DOCK3: variants seen among roughly 807,000 people sequenced by gnomAD.
The protein encoded by DOCK3 is dedicator of cytokinesis protein 3.
Under a neutral mutation model 265.6 loss-of-function variants are expected in DOCK3, and 60 were observed. That is an observed-to-expected ratio of 0.23 (90% CI 0.18 to 0.28). DOCK3 has a LOEUF of 0.28. Among genes scored for constraint, DOCK3 ranks in the 10% least tolerant of loss-of-function variants. The probability of loss-of-function intolerance (pLI) is 1.00; values close to 1 mark genes in which losing one functional copy is unlikely to be tolerated. For missense variants in DOCK3, 1,981 were observed against 2,594.3 expected (o/e 0.76, Z 5.14); for synonymous variants, 881 against 938.0 (o/e 0.94, Z 1.11).
chr3:51,240,852 C>T (rs1428008124), intron 21 of DOCK3, among the ~76,000 whole-genome samples: 2 of 152,146 alleles, frequency 1.3e-5, no homozygotes, highest in Non-Finnish European at 1.5e-5. Flanking sequence ...TCTTTGAAGA[C>T]AGCTTATGAA....
At chr3:51,067,427 TTG>T (rs60551624) in intron 6 of DOCK3, among the ~76,000 whole-genome samples, 111 of 144,192 alleles carry the variant, frequency 7.7e-4, no homozygotes, top group Non-Finnish European at 1.1e-3. Flanking sequence ...TGAAATATGT[TTG>T]TGTGTGTGTG....
intron 9 of DOCK3, among the ~76,000 whole-genome samples, chr3:51,117,176 C>T (rs1171607686): frequency 6.6e-6 from 1 of 152,010 alleles, no homozygotes; most frequent in African/African-American, 2.4e-5. Flanking sequence ...GTATGCAGGG[C>T]TGTTGAATTT....
chr3:50,937,293 AAAAATTT>A (rs1264638338), intron 5 of DOCK3, among the ~76,000 whole-genome samples: 1 of 151,292 alleles, frequency 6.6e-6, no homozygotes, highest in African/African-American at 2.4e-5. Context: ...AAAAAAAAAA[AAAAATTT>A]ATAAAGTGGA....
chr3:51,312,121 C>T (rs761852559), intron 29 of DOCK3, 42 bp downstream of exon 29: 28 of 1,527,984 alleles, frequency 1.8e-5, no homozygotes, highest in African/African-American at 2.7e-5. Context: ...TTGCAATAAC[C>T]TTAGAAAGCC....
chr3:51,011,995 A>G lies in DOCK3; in HGVS notation c.316-52453A>G, dbSNP rs990492904. Among the ~76,000 whole-genome samples the G allele has an allele frequency of 4.6e-5, 7 of 152,116 alleles. No homozygotes were observed. The East Asian group carries it at 1.4e-3, about 29-fold the overall frequency. On this transcript the variant is annotated intron_variant, in intron 5 of 52. Coordinates refer to ENST00000266037, the MANE Select transcript of DOCK3 (RefSeq NM_004947.5). ...ATTGTTCCTCTGTAAGCTTTGTCTC[A>G]GAGGGGTAGAAGGCCGTGTGAGCTG... is the stretch of plus-strand genomic sequence containing the variant.
intron 1 of DOCK3, among the ~76,000 whole-genome samples, chr3:50,763,116 C>A (rs182581293): frequency 2.0e-5 from 3 of 152,040 alleles, no homozygotes; most frequent in Non-Finnish European, 2.9e-5. Context: ...TTTCAACTTA[C>A]AGTGGGGTTA....
intron 4 of DOCK3, among the ~76,000 whole-genome samples, chr3:50,910,772 G>A (rs1035252072): frequency 2.0e-5 from 3 of 152,158 alleles, no homozygotes; most frequent in Non-Finnish European, 4.4e-5. Flanking sequence ...GCTGATGGTG[G>A]ATGGGGATTG....
rs376529482 is a variant in DOCK3 at position 50,954,106 on chromosome 3, C to T, written c.315+20029C>T. On this transcript the variant is annotated intron_variant, in intron 5 of 52. Transcript: ENST00000266037. ...AGTCTATTCCTATTAAACATTAACCCCACGTTTCTCCCTCCCATATATCCT... is the reference window on the plus strand; with the variant it reads ...AGTCTATTCCTATTAAACATTAACCTCACGTTTCTCCCTCCCATATATCCT... Among the ~76,000 whole-genome samples, 9 of 152,132 alleles carry T rather than the reference C, an allele frequency of 5.9e-5. No homozygotes were observed. In the East Asian group the frequency reaches 1.5e-3, roughly 26 times the overall value.
At chr3:51,190,190 C>T (rs900056955) in intron 12 of DOCK3, among the ~76,000 whole-genome samples, 2 of 152,150 alleles carry the variant, frequency 1.3e-5, no homozygotes, top group African/African-American at 4.8e-5. Flanking sequence ...TGATGTACTC[C>T]CCCTTTCCAT....
intron 1 of DOCK3, among the ~76,000 whole-genome samples, chr3:50,732,405 A>T (rs1489980742): frequency 1.3e-5 from 2 of 152,088 alleles, no homozygotes; most frequent in East Asian, 1.9e-4. Flanking sequence ...CATGTACCCC[A>T]GAACTTAAAA....
At chr3:50,862,130 T>C (rs976474036) in intron 3 of DOCK3, among the ~76,000 whole-genome samples, 1 of 152,218 alleles carries the variant, frequency 6.6e-6, no homozygotes, top group African/African-American at 2.4e-5. Flanking sequence ...GATTATTTCT[T>C]TTAGCAGTTG....
intron 2 of DOCK3, among the ~76,000 whole-genome samples, 196 bp downstream of exon 2, chr3:50,778,954 C>T (rs190962065): frequency 6.6e-6 from 1 of 152,188 alleles, no homozygotes; most frequent in East Asian, 1.9e-4. Flanking sequence ...AATATATTAG[C>T]AACAATTAGA....
chr3:51,354,279 TGGAGTC>T (rs1327454957), intron 40 of DOCK3, among the ~76,000 whole-genome samples: 1 of 149,978 alleles, frequency 6.7e-6, no homozygotes, highest in East Asian at 2.0e-4. Flanking sequence ...TTGGTAACAT[TGGAGTC>T]AGGGTCAGGG....
intron 25 of DOCK3, chr3:51,276,401 A>T: frequency 1.0e-6 from 1 of 985,450 alleles, no homozygotes. Flanking sequence ...AAGGAGAGAA[A>T]TTGAAGCAAA....
chr3:51,250,709 C>T (rs978835701), intron 22 of DOCK3, among the ~76,000 whole-genome samples: 3 of 152,154 alleles, frequency 2.0e-5, no homozygotes, highest in Non-Finnish European at 2.9e-5. Flanking sequence ...GGAGGGTTTA[C>T]TTCAGATCAA....
intron 9 of DOCK3, among the ~76,000 whole-genome samples, chr3:51,091,556 T>G (rs946532666): frequency 6.6e-6 from 1 of 151,666 alleles, no homozygotes; most frequent in African/African-American, 2.4e-5. Context: ...GGTGGCGGGC[T>G]CCTGTAAGCC....
rs193104514 is a variant in DOCK3 at position 51,254,254 on chromosome 3, T to G, written c.2185-5902T>G. Reference sequence around the variant, plus strand: ...AGACAGTTTGTTAAAATTTCTGTTCTTTTACATTTGCTGAGGAGTGCTTTA... The same window carrying G: ...AGACAGTTTGTTAAAATTTCTGTTCGTTTACATTTGCTGAGGAGTGCTTTA... On this transcript the variant is annotated intron_variant, in intron 22 of 52. Transcript: ENST00000266037. Among the ~76,000 whole-genome samples, 417 of 152,352 alleles carry G rather than the reference T, an allele frequency of 2.7e-3. 1 individual carries two copies. Among genetic ancestry groups the G allele is most frequent in the African/African-American group, 9.6e-3 (399 of 41,578 alleles).
intron 5 of DOCK3, among the ~76,000 whole-genome samples, chr3:51,050,497 A>G (rs2080956513): frequency 6.6e-6 from 1 of 152,230 alleles, no homozygotes; most frequent in African/African-American, 2.4e-5. Flanking sequence ...TAAGATATAT[A>G]TAGATATATA....
chr3:51,274,934 TGTAAG>T, intron 24 of DOCK3, 140 bp from the exon 25 acceptor site: 9 of 896,500 alleles, frequency 1.0e-5, no homozygotes, highest in South Asian at 4.6e-5. Flanking sequence ...TTCAGGCCCT[TGTAAG>T]GTAAGGAGAT....
Sources: allele counts gnomAD v4.1 joint callset (sites outside exome capture counted in the v4.1 genomes callset), GRCh38; gene constraint gnomAD v4.1.1; transcripts MANE v1.5; gene names NCBI Gene and HGNC (gene_info 2026-07-23, HGNC 2026-07-21).